The following DCAF5 variants were observed in gnomAD, a reference collection of about 807,000 sequenced individuals.
DCAF5 encodes DDB1 and CUL4 associated factor 5.
Under a neutral mutation model 80.7 loss-of-function variants are expected in DCAF5, and 9 were observed. That is an observed-to-expected ratio of 0.11 (90% CI 0.07 to 0.19). The LOEUF (loss-of-function observed/expected upper bound fraction) is 0.19, where lower values mean the gene tolerates loss of function less well. Ranked by LOEUF, DCAF5 falls within the 10% of genes least tolerant of loss-of-function variation. The pLI, the probability that DCAF5 is intolerant of heterozygous loss-of-function variation, is 1.00. For missense variants in DCAF5, 842 were observed against 1,205.7 expected (o/e 0.70, Z 4.47); for synonymous variants, 433 against 461.9 (o/e 0.94, Z 0.80).
At chr14:69,101,399 G>GTT (rs2140003162) in intron 5 of DCAF5, among the ~76,000 whole-genome samples, 1 of 152,312 alleles carries the variant, frequency 6.6e-6, no homozygotes, top group South Asian at 2.1e-4. Flanking sequence ...ATTCAAAGAT[G>GTT]TTACCGTTTC....
intron 5 of DCAF5, among the ~76,000 whole-genome samples, chr14:69,092,348 G>A (rs2039562646): frequency 6.6e-6 from 1 of 152,158 alleles, no homozygotes; most frequent in Non-Finnish European, 1.5e-5. Flanking sequence ...CGGGTGCAGT[G>A]GTTCAGGCCT....
At chr14:69,124,110 A>G (rs1161911626) in intron 1 of DCAF5, among the ~76,000 whole-genome samples, 1 of 152,182 alleles carries the variant, frequency 6.6e-6, no homozygotes, top group East Asian at 1.9e-4. Flanking sequence ...CCCTTAGCAT[A>G]ATGTCTTCAA....
Position 69,116,485 on chromosome 14 carries a change from G to A in DCAF5, c.546C>T (p.Cys182=), listed in dbSNP as rs1241897672. ...GAAAGGCTGATGGATAGTTTGCCAG[G>A]CAGAAGGGCTCTGTGGAAAGAAAAA... is the stretch of plus-strand genomic sequence containing the variant. ...IRESPHGEPF[C]LANYPSAFHS... Residue 182 remains cysteine, a synonymous_variant, in exon 5 of 9, where the codon TGC becomes TGT. Coordinates refer to ENST00000341516, the MANE Select transcript of DCAF5 (RefSeq NM_003861.3). The A allele has an allele frequency of 2.5e-6, 4 of 1,612,956 alleles. No individual in the cohort carries two copies. The highest frequency in any genetic ancestry group is 3.4e-6 in the Non-Finnish European group (4 of 1,179,144).
intron 1 of DCAF5, among the ~76,000 whole-genome samples, chr14:69,148,272 T>C (rs1387434994): frequency 6.6e-6 from 1 of 152,214 alleles, no homozygotes; most frequent in Non-Finnish European, 1.5e-5. Flanking sequence ...GTAACCTCAT[T>C]GATGTTGTTA....
chr14:69,145,715 CCTT>C (rs2140124517), intron 1 of DCAF5, among the ~76,000 whole-genome samples: 1 of 152,224 alleles, frequency 6.6e-6, no homozygotes, highest in East Asian at 1.9e-4. Flanking sequence ...AGAACTGATT[CCTT>C]CTTAACTTAG....
chr14:69,056,340 T>G (rs1318620778), intron 8 of DCAF5, among the ~76,000 whole-genome samples: 2 of 152,102 alleles, frequency 1.3e-5, no homozygotes, highest in Admixed American at 1.3e-4. Context: ...CAAGGACAGG[T>G]AACTGCAGCC....
intron 1 of DCAF5, among the ~76,000 whole-genome samples, chr14:69,125,514 A>G (rs1484184022): frequency 6.6e-6 from 1 of 152,264 alleles, no homozygotes; most frequent in East Asian, 1.9e-4. Context: ...TACCAAACAT[A>G]TTATAGAAGA....
At chr14:69,143,426 A>G (rs1366745077) in intron 1 of DCAF5, among the ~76,000 whole-genome samples, 2 of 152,146 alleles carry the variant, frequency 1.3e-5, no homozygotes, top group Non-Finnish European at 2.9e-5. Context: ...ATATAAGGAT[A>G]ATAATACTAC....
rs540272307 is a variant in DCAF5 at position 69,137,869 on chromosome 14, G to A, written c.214+14896C>T. Among the ~76,000 whole-genome samples the A allele has an allele frequency of 3.9e-5, 6 of 152,258 alleles. No individual in the cohort carries two copies. The South Asian group carries it at 1.2e-3, about 32-fold the overall frequency. On this transcript the variant is annotated intron_variant, in intron 1 of 8. Transcript: ENST00000341516. ...ATAATTGTTCTACTTTATTACTATTGTTGTTAATGTATTACTGTGCCTAAC... is the reference window on the plus strand; with the variant it reads ...ATAATTGTTCTACTTTATTACTATTATTGTTAATGTATTACTGTGCCTAAC...
At position 69,100,173 on chromosome 14, in the gene DCAF5, T is replaced by C. The variant is rs138782695; in HGVS notation, c.666-8286A>G. On this transcript the variant is annotated intron_variant, in intron 5 of 8. Transcript: ENST00000341516. ...ATAGGAAGATACATTAACTAGACTA[T>C]AGAACTTGGGTCATTTTTATTTTCC... Among the ~76,000 whole-genome samples, 653 of 152,306 alleles carry C rather than the reference T, an allele frequency of 4.3e-3. 5 individuals carry two copies. Among genetic ancestry groups the C allele is most frequent in the Middle Eastern group, 0.027 (8 of 294 alleles).
chr14:69,140,727 T>C (rs1439339106), intron 1 of DCAF5, among the ~76,000 whole-genome samples: 1 of 152,208 alleles, frequency 6.6e-6, no homozygotes, highest in Non-Finnish European at 1.5e-5. Flanking sequence ...GGACCTGGCA[T>C]GTTCATAACG....
rs529528307 is a variant in DCAF5, at chr14:69,134,768, T to C, written c.215-12408A>G. 7.2e-5 allele frequency among the ~76,000 whole-genome samples: 11 copies of C among 152,322 alleles called. 1 individual carries two copies. The highest frequency in any genetic ancestry group is 2.6e-4 in the African/African-American group (11 of 41,572). ...AGATGATGCCAATATTCTGACTGAA[T>C]TGGTTAAGACAAAATAATGACCAGC... On this transcript the variant is annotated intron_variant, in intron 1 of 8. Coordinates refer to ENST00000341516, the MANE Select transcript of DCAF5 (RefSeq NM_003861.3).
At chr14:69,107,512 C>T (rs566650878) in intron 5 of DCAF5, among the ~76,000 whole-genome samples, 1 of 152,236 alleles carries the variant, frequency 6.6e-6, no homozygotes, top group Admixed American at 6.5e-5. Flanking sequence ...ATTCTGATGC[C>T]CCTTAAAGTT....
At chr14:69,071,953 G>A (rs1409398305) in intron 7 of DCAF5, among the ~76,000 whole-genome samples, 3 of 152,216 alleles carry the variant, frequency 2.0e-5, no homozygotes, top group Admixed American at 6.5e-5. Context: ...CACATGGCCA[G>A]GAAACCATCC....
intron 7 of DCAF5, among the ~76,000 whole-genome samples, chr14:69,066,732 T>A (rs1291391249): frequency 6.6e-6 from 1 of 152,228 alleles, no homozygotes; most frequent in Non-Finnish European, 1.5e-5. Context: ...AAGGGAAATG[T>A]GTATGTCCTA....
chr14:69,067,697 C>T (rs973902791), intron 7 of DCAF5, among the ~76,000 whole-genome samples: 8 of 151,374 alleles, frequency 5.3e-5, no homozygotes, highest in African/African-American at 9.7e-5. Flanking sequence ...AGTGCAGTGG[C>T]GTGATCTCGG....
At chr14:69,095,034 C>G (rs1035219051) in intron 5 of DCAF5, among the ~76,000 whole-genome samples, 4 of 152,202 alleles carry the variant, frequency 2.6e-5, no homozygotes, top group Non-Finnish European at 4.4e-5. Flanking sequence ...TACAACATGG[C>G]ACTTTTTATG....
intron 5 of DCAF5, among the ~76,000 whole-genome samples, chr14:69,110,503 T>C (rs6573870): frequency 0.91 from 137,978 of 151,820 alleles, 62,982 homozygotes; most frequent in East Asian, 0.98. Context: ...CTCCTGACCT[T>C]GTGATCCAAC....
intron 5 of DCAF5, 70 bp downstream of exon 5, chr14:69,116,296 C>G: frequency 6.4e-7 from 1 of 1,552,010 alleles, no homozygotes; most frequent in Non-Finnish European, 8.8e-7. Context: ...ACAACACTTA[C>G]TGGCTGGTCA....
Sources: gnomAD v4.1 joint callset for allele counts (sites outside exome capture counted in the v4.1 genomes callset) on GRCh38, gnomAD v4.1.1 for gene constraint, MANE v1.5 for transcripts, NCBI Gene and HGNC (gene_info 2026-07-23, HGNC 2026-07-21) for gene names.